COL25A1: variants seen among roughly 807,000 people sequenced by gnomAD.
The protein encoded by COL25A1 is collagen alpha-1(XXV) chain.
Under a neutral mutation model 128.4 loss-of-function variants are expected in COL25A1, and 103 were observed. The ratio of observed to expected loss-of-function variants is 0.80; its 90% confidence interval spans 0.68 to 0.94. The LOEUF is 0.94. Ranked by LOEUF, COL25A1 falls within the 40% of genes least tolerant of loss-of-function variation. The pLI, the probability that COL25A1 is intolerant of heterozygous loss-of-function variation, is 0.00. For synonymous variants in COL25A1, 279 were observed against 277.2 expected, an observed-to-expected ratio of 1.01 and a Z score of -0.06; for missense variants, 745 against 840.0, an observed-to-expected ratio of 0.89 and a Z score of 1.40.
intron 3 of COL25A1, among the ~76,000 whole-genome samples, chr4:109,062,078 A>C (rs1217275618): frequency 1.3e-5 from 2 of 152,136 alleles, no homozygotes; most frequent in African/African-American, 4.8e-5. Flanking sequence ...CATACACCAA[A>C]ATTTTATTGG....
intron 5 of COL25A1, among the ~76,000 whole-genome samples, chr4:109,013,916 T>C (rs954736022): frequency 1.7e-4 from 26 of 152,054 alleles, no homozygotes; most frequent in African/African-American, 6.0e-4. Flanking sequence ...ATTACAAACA[T>C]GTGGTCACTC....
intron 31 of COL25A1, among the ~76,000 whole-genome samples, chr4:108,836,844 C>T (rs1407301155): frequency 2.6e-5 from 4 of 152,192 alleles, no homozygotes; most frequent in East Asian, 1.9e-4. Flanking sequence ...TTTGTGAAGC[C>T]GAGGCGGGTG....
chr4:109,207,025 G>A (rs1777058110), intron 3 of COL25A1, among the ~76,000 whole-genome samples: 1 of 152,168 alleles, frequency 6.6e-6, no homozygotes. Context: ...ATTTATGGTT[G>A]TAAATTAAAA....
intron 3 of COL25A1, among the ~76,000 whole-genome samples, chr4:109,117,504 A>G (rs118108705): frequency 0.032 from 4,921 of 152,090 alleles, 143 homozygotes; most frequent in South Asian, 0.12. Flanking sequence ...AATAAATATT[A>G]GAAGTTCTTC....
intron 5 of COL25A1, among the ~76,000 whole-genome samples, chr4:109,016,688 G>A (rs190322347): frequency 9.9e-5 from 15 of 152,256 alleles, no homozygotes; most frequent in Admixed American, 5.9e-4. Context: ...CTGGACATTC[G>A]TCAGGATGAC....
intron 3 of COL25A1, among the ~76,000 whole-genome samples, chr4:109,103,135 C>G (rs1371413360): frequency 6.6e-6 from 1 of 152,138 alleles, no homozygotes; most frequent in Non-Finnish European, 1.5e-5. Context: ...TTGTCCTTAG[C>G]TGGTGCTACA....
At chr4:108,959,050 A>G (rs1246272857) in intron 8 of COL25A1, among the ~76,000 whole-genome samples, 1 of 152,104 alleles carries the variant, frequency 6.6e-6, no homozygotes, top group Non-Finnish European at 1.5e-5. Flanking sequence ...TGTCATCATA[A>G]CATCAAAAGC....
chr4:109,255,533 T>C (rs759217128), intron 3 of COL25A1, among the ~76,000 whole-genome samples: 8 of 152,084 alleles, frequency 5.3e-5, no homozygotes, highest in Non-Finnish European at 8.8e-5. Flanking sequence ...ACCTAGAGAA[T>C]CCTTATGGAA....
intron 18 of COL25A1, among the ~76,000 whole-genome samples, chr4:108,886,479 TGTGTG>T (rs1740810615): frequency 4.6e-5 from 6 of 131,348 alleles, no homozygotes; most frequent in African/African-American, 1.4e-4. Context: ...TGTGTGTGTG[TGTGTG>T]TGTGTGTGTT....
chr4:108,971,668 G>A (rs541875930), intron 8 of COL25A1, among the ~76,000 whole-genome samples: 15 of 152,298 alleles, frequency 9.8e-5, no homozygotes, highest in African/African-American at 3.6e-4. Flanking sequence ...CAAGAGCTAA[G>A]CACAGCAGGT....
At chr4:108,978,751 A>C (rs933931179) in intron 6 of COL25A1, among the ~76,000 whole-genome samples, 2 of 152,200 alleles carry the variant, frequency 1.3e-5, no homozygotes, top group Non-Finnish European at 1.5e-5. Flanking sequence ...TTTGAAGATA[A>C]AACTTTGTTG....
At chr4:109,069,491 C>A (rs540664502) in intron 3 of COL25A1, among the ~76,000 whole-genome samples, 5 of 152,206 alleles carry the variant, frequency 3.3e-5, no homozygotes, top group African/African-American at 1.2e-4. Flanking sequence ...CCATGTCCAG[C>A]CCCTAATGAG....
chr4:109,268,411 A>C (rs1781936897), intron 3 of COL25A1, among the ~76,000 whole-genome samples: 1 of 152,158 alleles, frequency 6.6e-6, no homozygotes, highest in Non-Finnish European at 1.5e-5. Context: ...TATGGAACAC[A>C]GCTACTTGCA....
At chr4:108,886,481 TG>T (rs780393470) in intron 18 of COL25A1, among the ~76,000 whole-genome samples, 11,942 of 133,654 alleles carry the variant, frequency 0.089, 805 homozygotes, top group Non-Finnish European at 0.1. Context: ...TGTGTGTGTG[TG>T]TGTGTGTGTG....
intron 26 of COL25A1, among the ~76,000 whole-genome samples, chr4:108,850,562 A>ATAT (rs1292957281): frequency 6.6e-6 from 1 of 151,884 alleles, no homozygotes; most frequent in Non-Finnish European, 1.5e-5. Context: ...GCTTGTCTAG[A>ATAT]TATTCATCTG....
chr4:109,292,163 A>G (rs1724531010), intron 3 of COL25A1, among the ~76,000 whole-genome samples: 1 of 112,050 alleles, frequency 8.9e-6, no homozygotes, highest in Non-Finnish European at 1.9e-5. Context: ...GCAGAAAGAA[A>G]GCATGGAGGC....
intron 34 of COL25A1, among the ~76,000 whole-genome samples, 190 bp downstream of exon 34, chr4:108,825,006 T>G (rs1560703861): frequency 6.6e-6 from 1 of 152,122 alleles, no homozygotes. Context: ...GATAATTGTG[T>G]TTTTTTGCTT....
At chr4:109,082,385 GT>G in intron 3 of COL25A1, among the ~76,000 whole-genome samples, 1 of 152,300 alleles carries the variant, frequency 6.6e-6, no homozygotes, top group East Asian at 1.9e-4. Context: ...CTGCCAGACT[GT>G]TTTCCAAAGA....
At chr4:109,301,212 T>TA (rs769382127) in intron 2 of COL25A1, among the ~76,000 whole-genome samples, 74 of 146,804 alleles carry the variant, frequency 5.0e-4, no homozygotes, top group South Asian at 1.1e-3. Flanking sequence ...AAAGCTACTT[T>TA]AAAAAAAAAA....
Sources: allele counts gnomAD v4.1 joint callset (sites outside exome capture counted in the v4.1 genomes callset), GRCh38; gene constraint gnomAD v4.1.1; transcripts MANE v1.5; gene names NCBI Gene and HGNC (gene_info 2026-07-23, HGNC 2026-07-21).